MARCHF11: variants seen among roughly 807,000 people sequenced by gnomAD.
MARCHF11 encodes the protein E3 ubiquitin-protein ligase MARCHF11.
Under a neutral mutation model 37.3 loss-of-function variants are expected in MARCHF11, and 29 were observed. That is an observed-to-expected ratio of 0.78 (90% CI 0.58 to 1.06). The LOEUF (loss-of-function observed/expected upper bound fraction) is 1.06. MARCHF11 is among the 50% of genes least tolerant of loss of function. The pLI, the probability that MARCHF11 is intolerant of heterozygous loss-of-function variation, is 0.00. For synonymous variants in MARCHF11, 233 were observed against 228.0 expected (o/e 1.02, Z -0.20); for missense variants, 482 against 533.4 (o/e 0.90, Z 0.95).
chr5:16,104,950 A>C (rs1737014491), intron 2 of MARCHF11, among the ~76,000 whole-genome samples: 2 of 152,296 alleles, frequency 1.3e-5, no homozygotes, highest in South Asian at 4.1e-4. Context: ...CACATCCCAC[A>C]TCCCACAGTG....
intron 2 of MARCHF11, among the ~76,000 whole-genome samples, chr5:16,120,832 G>T (rs1367580044): frequency 1.3e-5 from 2 of 152,266 alleles, no homozygotes; most frequent in South Asian, 2.1e-4. Flanking sequence ...CGCCCCACTT[G>T]AGATCTCAAA....
chr5:16,154,833 C>T (rs890965504), intron 2 of MARCHF11, among the ~76,000 whole-genome samples: 1 of 151,788 alleles, frequency 6.6e-6, no homozygotes, highest in Admixed American at 6.6e-5. Context: ...AATAAAAATT[C>T]ATAATTTCTG....
chr5:16,090,819 T>A, intron 3 of MARCHF11, 70 bp downstream of exon 3: 2 of 1,222,500 alleles, frequency 1.6e-6, no homozygotes, highest in South Asian at 4.5e-5. Context: ...TAGATCCGAA[T>A]GGTGAAAACG....
chr5:16,094,664 C>A (rs1287057727), intron 2 of MARCHF11, among the ~76,000 whole-genome samples: 1 of 152,090 alleles, frequency 6.6e-6, no homozygotes, highest in East Asian at 1.9e-4. Context: ...ATGTGTGATT[C>A]TTTCATATTC....
chr5:16,117,358 C>G (rs1300788570), intron 2 of MARCHF11, among the ~76,000 whole-genome samples: 11 of 152,188 alleles, frequency 7.2e-5, no homozygotes, highest in Admixed American at 7.2e-4. Flanking sequence ...TTTCACTAAC[C>G]TTTTACAGCC....
chr5:16,151,648 AATGTGTGTGTGT>A (rs1407105225), intron 2 of MARCHF11, among the ~76,000 whole-genome samples: 4 of 27,252 alleles, frequency 1.5e-4, no homozygotes, highest in African/African-American at 4.6e-4. Context: ...GCGTGAGTTG[AATGTGTGTGTGT>A]GTGTGTGTGT....
At chr5:16,163,672 A>G (rs1412144706) in intron 2 of MARCHF11, among the ~76,000 whole-genome samples, 4 of 152,128 alleles carry the variant, frequency 2.6e-5, no homozygotes, top group Non-Finnish European at 4.4e-5. Flanking sequence ...CTATATTAAC[A>G]TCAGAAAGAA....
intron 2 of MARCHF11, among the ~76,000 whole-genome samples, chr5:16,149,466 T>C (rs1364107412): frequency 6.6e-6 from 1 of 152,074 alleles, no homozygotes; most frequent in Non-Finnish European, 1.5e-5. Context: ...GTAGAAGCAT[T>C]TGGGAAACTC....
intron 2 of MARCHF11, among the ~76,000 whole-genome samples, chr5:16,156,846 C>A (rs1468068391): frequency 6.6e-6 from 1 of 151,668 alleles, no homozygotes; most frequent in Non-Finnish European, 1.5e-5. Context: ...ATACTGTAGG[C>A]AATGGAAACA....
intron 2 of MARCHF11, among the ~76,000 whole-genome samples, chr5:16,127,725 T>C (rs541026235): frequency 5.3e-4 from 80 of 152,294 alleles, no homozygotes; most frequent in African/African-American, 1.8e-3. Flanking sequence ...ACATGCCTAG[T>C]ATGTTGTAGG....
chr5:16,103,095 G>C (rs1488100126), intron 2 of MARCHF11, among the ~76,000 whole-genome samples: 1 of 143,710 alleles, frequency 7.0e-6, no homozygotes, highest in Non-Finnish European at 1.5e-5. Flanking sequence ...GTCACCATGA[G>C]ATCACTGCCC....
At chr5:16,148,032 G>C (rs998333038) in intron 2 of MARCHF11, among the ~76,000 whole-genome samples, 4 of 151,988 alleles carry the variant, frequency 2.6e-5, no homozygotes, top group African/African-American at 9.7e-5. Flanking sequence ...CACATCATGG[G>C]GGAATTTCCA....
At chr5:16,087,387 A>G (rs1415016469) in intron 3 of MARCHF11, among the ~76,000 whole-genome samples, 1 of 152,224 alleles carries the variant, frequency 6.6e-6, no homozygotes, top group Non-Finnish European at 1.5e-5. Flanking sequence ...GAATTCCTTT[A>G]TCACTTAGGA....
chr5:16,067,424 T>C lies in MARCHF11; in HGVS notation c.*47A>G. The C allele has an allele frequency of 1.3e-6, 2 of 1,551,144 alleles. No homozygotes were observed. The highest frequency in any genetic ancestry group is 1.2e-5 in the South Asian group (1 of 84,182). ...GGTTTTGCCATTCACTGCAATTACATTGCAAAATGTGCAGGGTGGTCCACA... is the reference window on the plus strand; with the variant it reads ...GGTTTTGCCATTCACTGCAATTACACTGCAAAATGTGCAGGGTGGTCCACA... On this transcript the variant is annotated 3_prime_UTR_variant, in exon 4 of 4. Coordinates refer to ENST00000332432, the MANE Select transcript of MARCHF11 (RefSeq NM_001102562.3).
intron 2 of MARCHF11, among the ~76,000 whole-genome samples, chr5:16,116,405 C>T (rs1480578472): frequency 1.3e-5 from 2 of 152,168 alleles, no homozygotes; most frequent in Non-Finnish European, 2.9e-5. Context: ...CACAGTTTTC[C>T]ATGCCTACAA....
intron 2 of MARCHF11, among the ~76,000 whole-genome samples, chr5:16,158,598 T>A (rs2126602798): frequency 6.6e-6 from 1 of 152,086 alleles, no homozygotes; most frequent in East Asian, 1.9e-4. Flanking sequence ...GGTGACAAGA[T>A]GTTTGTCACA....
chr5:16,165,835 ATT>A (rs1738160139), intron 2 of MARCHF11, among the ~76,000 whole-genome samples: 1 of 152,044 alleles, frequency 6.6e-6, no homozygotes, highest in African/African-American at 2.4e-5. Flanking sequence ...TTTCCACTCT[ATT>A]ACCAATCTAC....
chr5:16,102,945 T>C (rs1160027643), intron 2 of MARCHF11, among the ~76,000 whole-genome samples: 1 of 152,050 alleles, frequency 6.6e-6, no homozygotes, highest in Non-Finnish European at 1.5e-5. Context: ...CATGAAGGGG[T>C]CAAGGGAACT....
At chr5:16,117,072 A>T (rs1737236641) in intron 2 of MARCHF11, among the ~76,000 whole-genome samples, 1 of 152,172 alleles carries the variant, frequency 6.6e-6, no homozygotes, top group South Asian at 2.1e-4. Context: ...GGACAAACAC[A>T]CCGATACTGC....
Sources: allele counts gnomAD v4.1 joint callset (sites outside exome capture counted in the v4.1 genomes callset), GRCh38; gene constraint gnomAD v4.1.1; transcripts MANE v1.5; gene names NCBI Gene and HGNC (gene_info 2026-07-23, HGNC 2026-07-21).